Variants in ZNF536 observed in about 807,000 individuals in gnomAD.
The protein encoded by ZNF536 is zinc finger protein 536.
A neutral mutation model predicts 84.5 loss-of-function variants in ZNF536; 13 were observed. That is an observed-to-expected ratio of 0.15 (90% CI 0.10 to 0.24). The LOEUF is 0.24. Among genes scored for constraint, ZNF536 ranks in the 10% least tolerant of loss-of-function variants. The pLI, the probability that ZNF536 is intolerant of heterozygous loss-of-function variation, is 1.00. For synonymous variants in ZNF536, 811 were observed against 742.5 expected (o/e 1.09, Z -1.50); for missense variants, 1,536 against 1,747.5 (o/e 0.88, Z 2.16).
At chr19:30,425,870 G>C (rs1448751791) in intron 1 of ZNF536, among the ~76,000 whole-genome samples, 1 of 152,212 alleles carries the variant, frequency 6.6e-6, no homozygotes, top group Non-Finnish European at 1.5e-5. Flanking sequence ...GGTGGGCATG[G>C]ATGCAAGGAT....
intron 1 of ZNF536, among the ~76,000 whole-genome samples, chr19:30,436,052 C>G (rs943182237): frequency 7.9e-5 from 12 of 152,156 alleles, no homozygotes; most frequent in Admixed American, 3.9e-4. Flanking sequence ...GTCCTACCAG[C>G]ATGGAAGCTG....
intron 3 of ZNF536, among the ~76,000 whole-genome samples, chr19:30,543,251 A>G (rs776520034): frequency 6.6e-6 from 1 of 152,234 alleles, no homozygotes; most frequent in Non-Finnish European, 1.5e-5. Context: ...TGTGGCACAT[A>G]TAACAGATAA....
At chr19:30,693,023 G>GCA (rs933138571) in intron 1 of ZNF536, among the ~76,000 whole-genome samples, 1 of 148,268 alleles carries the variant, frequency 6.7e-6, no homozygotes, top group Admixed American at 6.8e-5. Flanking sequence ...AACCTGGGGG[G>GCA]GAGAGAGAGA....
intron 2 of ZNF536, among the ~76,000 whole-genome samples, chr19:30,484,101 G>A (rs1272018106): frequency 6.6e-6 from 1 of 151,916 alleles, no homozygotes; most frequent in Non-Finnish European, 1.5e-5. Flanking sequence ...CGAATCACAG[G>A]TGTTCTCTCT....
chr19:30,414,391 T>C (rs1431990248), intron 1 of ZNF536, among the ~76,000 whole-genome samples: 2 of 152,224 alleles, frequency 1.3e-5, no homozygotes, highest in Admixed American at 6.5e-5. Context: ...GTTTAGTTTT[T>C]ATTTTTGCTA....
intron 2 of ZNF536, among the ~76,000 whole-genome samples, chr19:30,493,347 C>A (rs962275174): frequency 1.3e-5 from 2 of 151,892 alleles, no homozygotes; most frequent in Admixed American, 1.3e-4. Context: ...ACAGGCATGC[C>A]CATGCAGAGA....
chr19:30,429,274 T>C (rs1435905418), intron 1 of ZNF536, among the ~76,000 whole-genome samples: 1 of 152,148 alleles, frequency 6.6e-6, no homozygotes, highest in East Asian at 1.9e-4. Flanking sequence ...CACTTGGGAA[T>C]GTTGCCCTGG....
intron 2 of ZNF536, among the ~76,000 whole-genome samples, chr19:30,285,666 G>A (rs1215227765): frequency 2.0e-5 from 3 of 152,158 alleles, no homozygotes; most frequent in East Asian, 1.9e-4. Flanking sequence ...TCTAGCTGTG[G>A]CCAAGCCTCT....
chr19:30,431,930 C>A (rs2051480592), intron 1 of ZNF536, among the ~76,000 whole-genome samples: 1 of 151,922 alleles, frequency 6.6e-6, no homozygotes, highest in Non-Finnish European at 1.5e-5. Flanking sequence ...ACACTCCTGA[C>A]AACTGCTGGT....
intron 4 of ZNF536, among the ~76,000 whole-genome samples, chr19:30,553,163 G>A (rs1599781247): frequency 6.6e-6 from 1 of 152,222 alleles, no homozygotes; most frequent in East Asian, 1.9e-4. Flanking sequence ...TTTGTAATGG[G>A]ATAGACTCCA....
At chr19:30,414,587 G>C (rs1433063) in intron 1 of ZNF536, among the ~76,000 whole-genome samples, 60,103 of 151,896 alleles carry the variant, frequency 0.4, 12,856 homozygotes, top group East Asian at 0.7. Flanking sequence ...TATGCATTCA[G>C]CATCCATATC....
chr19:30,503,570 T>G (rs1457020395), intron 2 of ZNF536, among the ~76,000 whole-genome samples: 1 of 152,250 alleles, frequency 6.6e-6, no homozygotes, highest in Non-Finnish European at 1.5e-5. Flanking sequence ...ACATCTTTTG[T>G]GCAAAAATAG....
chr19:30,520,451 C>T (rs1023872315), intron 2 of ZNF536, among the ~76,000 whole-genome samples: 5 of 152,106 alleles, frequency 3.3e-5, no homozygotes, highest in African/African-American at 9.7e-5. Context: ...CTTCTTTCTC[C>T]CTGTCATCCC....
intron 1 of ZNF536, among the ~76,000 whole-genome samples, chr19:30,279,590 G>A (rs1426158447): frequency 6.6e-6 from 1 of 152,228 alleles, no homozygotes; most frequent in East Asian, 1.9e-4. Context: ...AGTGGAACTT[G>A]AGAATATCAA....
At chr19:30,560,377 C>T (rs2046119539), downstream of ZNF536, among the ~76,000 whole-genome samples, 1 of 152,074 alleles carries the variant, frequency 6.6e-6, no homozygotes, top group South Asian at 2.1e-4. Flanking sequence ...GCCCACCTCC[C>T]CTGTAAACCA....
intron 1 of ZNF536, among the ~76,000 whole-genome samples, chr19:30,279,988 C>A (rs2045379870): frequency 6.6e-6 from 1 of 152,188 alleles, no homozygotes; most frequent in Non-Finnish European, 1.5e-5. Context: ...CCCAGTGACC[C>A]ATCCGGGGAA....
chr19:30,417,104 G>A (rs556918331), intron 1 of ZNF536, among the ~76,000 whole-genome samples: 1 of 150,094 alleles, frequency 6.7e-6, no homozygotes, highest in African/African-American at 2.5e-5. Flanking sequence ...CTCCTGAATA[G>A]CTGGGATTAC....
intron 1 of ZNF536, among the ~76,000 whole-genome samples, chr19:30,700,003 C>G (rs1408825595): frequency 6.6e-6 from 1 of 151,860 alleles, no homozygotes; most frequent in Non-Finnish European, 1.5e-5. Flanking sequence ...TCTTTTTTCT[C>G]TTTCTTTCTT....
At chr19:30,474,156 T>G (rs8112863) in intron 2 of ZNF536, among the ~76,000 whole-genome samples, 39,786 of 151,888 alleles carry the variant, frequency 0.26, 7,102 homozygotes, top group African/African-American at 0.47. Flanking sequence ...AGCACATTGG[T>G]GAGCTAGGTG....
Sources: allele counts gnomAD v4.1 joint callset (sites outside exome capture counted in the v4.1 genomes callset), GRCh38; gene constraint gnomAD v4.1.1; transcripts MANE v1.5; gene names NCBI Gene and HGNC (gene_info 2026-07-23, HGNC 2026-07-21).